ROBO2: variants seen among roughly 807,000 people sequenced by gnomAD.
ROBO2 encodes roundabout homolog 2.
A neutral mutation model predicts 160.8 loss-of-function variants in ROBO2; 53 were observed. That is an observed-to-expected ratio of 0.33 (90% CI 0.26 to 0.41). The LOEUF (loss-of-function observed/expected upper bound fraction) is 0.41. Among genes scored for constraint, ROBO2 ranks in the 10% least tolerant of loss-of-function variants. ROBO2 has a pLI of 1.00. For missense variants in ROBO2, 1,577 were observed against 1,722.4 expected (o/e 0.92, Z 1.49); for synonymous variants, 664 against 611.7 (o/e 1.09, Z -1.26).
intron 2 of ROBO2, among the ~76,000 whole-genome samples, chr3:77,308,961 G>C (rs967469109): frequency 6.6e-6 from 1 of 151,876 alleles, no homozygotes; most frequent in African/African-American, 2.4e-5. Context: ...ATATTTTCTC[G>C]ACCATAAATC....
At chr3:76,709,824 A>G (rs1048116529) in intron 2 of ROBO2, among the ~76,000 whole-genome samples, 1 of 152,234 alleles carries the variant, frequency 6.6e-6, no homozygotes, top group Admixed American at 6.5e-5. Context: ...AAAAATGTCA[A>G]TACTGAAAGA....
chr3:77,271,840 A>C (rs1250222249), intron 2 of ROBO2, among the ~76,000 whole-genome samples: 2 of 152,268 alleles, frequency 1.3e-5, no homozygotes, highest in Admixed American at 6.5e-5. Context: ...ATCTTTCCTT[A>C]TGGTTAACCC....
At chr3:77,505,873 T>A (rs1246753451) in intron 5 of ROBO2, among the ~76,000 whole-genome samples, 2 of 152,184 alleles carry the variant, frequency 1.3e-5, no homozygotes, top group African/African-American at 4.8e-5. Flanking sequence ...CTATATACAG[T>A]AATTTATTTC....
At chr3:76,375,556 T>G (rs1223728760) in intron 2 of ROBO2, among the ~76,000 whole-genome samples, 1 of 151,914 alleles carries the variant, frequency 6.6e-6, no homozygotes, top group African/African-American at 2.4e-5. Context: ...AGCTAAGTTG[T>G]TGATGAAATA....
intron 2 of ROBO2, among the ~76,000 whole-genome samples, chr3:77,298,487 T>C (rs2153409220): frequency 6.6e-6 from 1 of 152,234 alleles, no homozygotes; most frequent in East Asian, 1.9e-4. Flanking sequence ...CACTCATGAG[T>C]CTTTTGTATT....
At chr3:76,316,955 A>G (rs372581267) in intron 2 of ROBO2, among the ~76,000 whole-genome samples, 12 of 152,290 alleles carry the variant, frequency 7.9e-5, no homozygotes, top group Admixed American at 5.2e-4. Context: ...AATAACCCCA[A>G]CCACTACACT....
chr3:76,069,975 A>G (rs970343067), intron 2 of ROBO2, among the ~76,000 whole-genome samples: 7 of 152,130 alleles, frequency 4.6e-5, no homozygotes, highest in Non-Finnish European at 5.9e-5. Context: ...CACTTCCCCA[A>G]TCAATACCCT....
At chr3:77,416,445 G>A (rs887865460) in intron 2 of ROBO2, among the ~76,000 whole-genome samples, 1 of 152,108 alleles carries the variant, frequency 6.6e-6, no homozygotes, top group East Asian at 1.9e-4. Context: ...GTGGCCTGGA[G>A]CAGTGGCTCA....
At chr3:76,035,446 C>T (rs1439568635) in intron 2 of ROBO2, among the ~76,000 whole-genome samples, 1 of 151,740 alleles carries the variant, frequency 6.6e-6, no homozygotes, top group Non-Finnish European at 1.5e-5. Context: ...TTAATTAAGA[C>T]TGGAAGCATG....
intron 2 of ROBO2, among the ~76,000 whole-genome samples, chr3:76,591,290 C>T (rs1415438521): frequency 6.6e-6 from 1 of 152,080 alleles, no homozygotes; most frequent in Non-Finnish European, 1.5e-5. Context: ...TAAAGGACTT[C>T]CTCCTCCCTT....
intron 2 of ROBO2, among the ~76,000 whole-genome samples, chr3:77,009,147 A>G: frequency 6.6e-6 from 1 of 152,222 alleles, no homozygotes; most frequent in Non-Finnish European, 1.5e-5. Flanking sequence ...TAGCCCAGTG[A>G]CTAACTGATC....
At chr3:77,636,432 A>T (rs746658565) in intron 24 of ROBO2, among the ~76,000 whole-genome samples, 3 of 151,906 alleles carry the variant, frequency 2.0e-5, no homozygotes, top group Non-Finnish European at 4.4e-5. Context: ...TCTCTACTAA[A>T]AGTACAAAAA....
chr3:76,499,488 G>A (rs913662025), intron 2 of ROBO2, among the ~76,000 whole-genome samples: 1 of 152,112 alleles, frequency 6.6e-6, no homozygotes, highest in African/African-American at 2.4e-5. Context: ...CATATGGCTT[G>A]ACTTTCAGGA....
chr3:76,537,542 G>A (rs577417842), intron 2 of ROBO2, among the ~76,000 whole-genome samples: 23 of 152,064 alleles, frequency 1.5e-4, no homozygotes, highest in Admixed American at 4.6e-4. Context: ...CCACTTACCC[G>A]ATTTGAAATT....
At chr3:77,254,927 T>C (rs1302708288) in intron 2 of ROBO2, among the ~76,000 whole-genome samples, 1 of 152,226 alleles carries the variant, frequency 6.6e-6, no homozygotes, top group African/African-American at 2.4e-5. Context: ...CAACTTCAAT[T>C]GCCAGTTTTG....
intron 2 of ROBO2, among the ~76,000 whole-genome samples, chr3:76,628,994 G>A (rs1239572066): frequency 6.6e-6 from 1 of 151,914 alleles, no homozygotes; most frequent in Non-Finnish European, 1.5e-5. Context: ...GCATAATATA[G>A]CGTCACTTTT....
intron 2 of ROBO2, among the ~76,000 whole-genome samples, chr3:76,952,214 T>A (rs996611410): frequency 1.3e-5 from 2 of 152,212 alleles, no homozygotes; most frequent in African/African-American, 4.8e-5. Context: ...TGGTTGCCAA[T>A]GGACAAAAAT....
chr3:76,000,618 A>G (rs2065859220), intron 2 of ROBO2, among the ~76,000 whole-genome samples: 1 of 151,380 alleles, frequency 6.6e-6, no homozygotes, highest in South Asian at 2.1e-4. Flanking sequence ...CCTCCCGAGT[A>G]GCTGGGACTA....
chr3:76,585,741 T>G (rs1428276125), intron 2 of ROBO2, among the ~76,000 whole-genome samples: 1 of 152,134 alleles, frequency 6.6e-6, no homozygotes, highest in Non-Finnish European at 1.5e-5. Flanking sequence ...AAAAACCACT[T>G]GGTTAATTTG....
Sources: allele counts gnomAD v4.1 joint callset (sites outside exome capture counted in the v4.1 genomes callset), GRCh38; gene constraint gnomAD v4.1.1; transcripts MANE v1.5; gene names NCBI Gene and HGNC (gene_info 2026-07-23, HGNC 2026-07-21).